CACNB2: variants seen among roughly 807,000 people sequenced by gnomAD.
CACNB2 encodes calcium voltage-gated channel auxiliary subunit beta 2, also known as voltage-dependent L-type calcium channel subunit beta-2.
Under a neutral mutation model 73.3 loss-of-function variants are expected in CACNB2, and 42 were observed. The observed-to-expected ratio is 0.57, with a 90% CI of 0.45 to 0.74. The LOEUF (loss-of-function observed/expected upper bound fraction) is 0.74. Ranked by LOEUF, CACNB2 falls within the 30% of genes least tolerant of loss-of-function variation. CACNB2 has a pLI of 0.00. For synonymous variants in CACNB2, 348 were observed against 310.3 expected (o/e 1.12, Z -1.28); for missense variants, 940 against 853.0 (o/e 1.10, Z -1.27).
chr10:18,292,772 CT>C (rs1213200262), intron 2 of CACNB2, among the ~76,000 whole-genome samples: 1 of 152,138 alleles, frequency 6.6e-6, no homozygotes, highest in Non-Finnish European at 1.5e-5. Context: ...AAAATAAGGG[CT>C]TTAGTTTCCT....
At chr10:18,243,026 A>G (rs2036724928) in intron 2 of CACNB2, among the ~76,000 whole-genome samples, 1 of 151,792 alleles carries the variant, frequency 6.6e-6, no homozygotes, top group Admixed American at 6.6e-5. Context: ...AAAACAAAAA[A>G]AAGAAAACAT....
intron 2 of CACNB2, among the ~76,000 whole-genome samples, chr10:18,154,652 G>A (rs957882254): frequency 6.6e-6 from 1 of 152,104 alleles, no homozygotes; most frequent in African/African-American, 2.4e-5. Flanking sequence ...ATTTTTAGTA[G>A]AGACAGGGTT....
At chr10:18,241,532 A>G (rs1372420169) in intron 2 of CACNB2, among the ~76,000 whole-genome samples, 2 of 152,152 alleles carry the variant, frequency 1.3e-5, no homozygotes, top group Non-Finnish European at 2.9e-5. Flanking sequence ...ATGTATACCT[A>G]TGTAAGAAAC....
At chr10:18,196,523 C>G (rs543538030) in intron 2 of CACNB2, among the ~76,000 whole-genome samples, 1 of 152,084 alleles carries the variant, frequency 6.6e-6, no homozygotes, top group South Asian at 2.1e-4. Flanking sequence ...TTGCCATGTT[C>G]CCCAGGCTAG....
chr10:18,508,535 G>A (rs955240085), intron 6 of CACNB2, among the ~76,000 whole-genome samples: 2 of 152,120 alleles, frequency 1.3e-5, no homozygotes, highest in East Asian at 1.9e-4. Flanking sequence ...GTCACCTTGC[G>A]ATAAAGCAGC....
chr10:18,228,442 A>AAAAAAAAG (rs1366417578), intron 2 of CACNB2, among the ~76,000 whole-genome samples: 1 of 135,526 alleles, frequency 7.4e-6, no homozygotes, highest in African/African-American at 2.9e-5. Context: ...TCAAAAAAAA[A>AAAAAAAAG]AAAAAAAGAA....
intron 2 of CACNB2, among the ~76,000 whole-genome samples, chr10:18,392,254 G>C (rs942488431): frequency 6.6e-6 from 1 of 152,142 alleles, no homozygotes; most frequent in Non-Finnish European, 1.5e-5. Context: ...AGGAGACTTA[G>C]AAGGAACAGC....
chr10:18,522,877 C>CAAAAAAAAAAAAAAAAAAA (rs10528720), intron 9 of CACNB2, among the ~76,000 whole-genome samples: 1 of 77,828 alleles, frequency 1.3e-5, no homozygotes, highest in Non-Finnish European at 2.4e-5. Flanking sequence ...GACTCTGTCT[C>CAAAAAAAAAAAAAAAAAAA]AAAAAAAAAA....
At chr10:18,322,595 C>G (rs1308605408) in intron 2 of CACNB2, among the ~76,000 whole-genome samples, 2 of 152,246 alleles carry the variant, frequency 1.3e-5, no homozygotes, top group Admixed American at 6.5e-5. Flanking sequence ...ATTTTATTTC[C>G]TTTTAGGAAA....
At chr10:18,198,116 A>G (rs2034709884) in intron 2 of CACNB2, among the ~76,000 whole-genome samples, 1 of 148,292 alleles carries the variant, frequency 6.7e-6, no homozygotes, top group East Asian at 1.9e-4. Context: ...TATTCATATG[A>G]CATATATGTA....
chr10:18,327,816 A>C lies in CACNB2; in HGVS notation c.214-74108A>C, dbSNP rs139403493. ...CAGTATCCGACTAACCTCTTCTTAC[A>C]GATGAGCAGGGTTTGGCACACTAGA... On this transcript the variant is annotated intron_variant, in intron 2 of 13. Coordinates refer to ENST00000324631, the MANE Select transcript of CACNB2 (RefSeq NM_201596.3). 3.5e-3 allele frequency among the ~76,000 whole-genome samples: 535 copies of C among 152,276 alleles called. 3 individuals carry two copies. The highest frequency in any genetic ancestry group is 5.4e-3 in the Admixed American group (82 of 15,298).
At chr10:18,300,869 C>T (rs561454836) in intron 2 of CACNB2, among the ~76,000 whole-genome samples, 7 of 151,362 alleles carry the variant, frequency 4.6e-5, no homozygotes, top group African/African-American at 1.5e-4. Context: ...AAATAAAAAG[C>T]GCAATCCAAA....
At chr10:18,287,792 C>A (rs932612965) in intron 2 of CACNB2, among the ~76,000 whole-genome samples, 1 of 151,934 alleles carries the variant, frequency 6.6e-6, no homozygotes, top group African/African-American at 2.4e-5. Context: ...TGAGGCTGCA[C>A]TGAGCTATGA....
chr10:18,168,955 A>G (rs925819785), intron 2 of CACNB2, among the ~76,000 whole-genome samples: 2 of 152,216 alleles, frequency 1.3e-5, no homozygotes, highest in Admixed American at 6.5e-5. Flanking sequence ...AATACAGTCT[A>G]ACAGCCAAGA....
chr10:18,326,068 G>A lies in CACNB2; in HGVS notation c.214-75856G>A, dbSNP rs530178546. ...ATTTTTTCTTCATGTTGATTCCTAC[G>A]GTGTTAGTCCTATGCTAACCTGACT... is the stretch of plus-strand genomic sequence containing the variant. On this transcript the variant is annotated intron_variant, in intron 2 of 13. Transcript: ENST00000324631. 5.9e-5 allele frequency among the ~76,000 whole-genome samples: 9 copies of A among 152,104 alleles called. No individual in the cohort carries two copies. The South Asian group carries it at 1.3e-3, about 21-fold the overall frequency.
At position 18,539,626 on chromosome 10, in the gene CACNB2, AAATCCAAG is replaced by A. The variant is rs1315701977; in HGVS notation, c.1886_1893del (p.Lys629ArgfsTer5). The A allele has an allele frequency of 6.2e-7, 1 of 1,613,820 alleles. No individual in the cohort carries two copies. The highest frequency in any genetic ancestry group is 8.5e-7 in the Non-Finnish European group (1 of 1,179,872). ...GTGCAACAAGCAGCGCAGCCGTCAT[AAATCCAAG>A]GATCGCTACTGTGAAAAGGATGGAG... On this transcript the variant is annotated frameshift_variant, in exon 14 of 14. Coordinates refer to ENST00000324631, the MANE Select transcript of CACNB2 (RefSeq NM_201596.3). LOFTEE classifies it high-confidence loss of function.
At chr10:18,288,682 C>T (rs2038910583) in intron 2 of CACNB2, among the ~76,000 whole-genome samples, 1 of 151,320 alleles carries the variant, frequency 6.6e-6, no homozygotes, top group Non-Finnish European at 1.5e-5. Flanking sequence ...TTTATACACA[C>T]ACACACACAC....
intron 3 of CACNB2, among the ~76,000 whole-genome samples, chr10:18,471,189 C>G (rs1361167033): frequency 2.0e-5 from 3 of 152,124 alleles, no homozygotes; most frequent in African/African-American, 7.2e-5. Context: ...GCCTGTAATC[C>G]CAGCTACTCG....
chr10:18,393,298 T>C (rs1313939674), intron 2 of CACNB2, among the ~76,000 whole-genome samples: 1 of 152,196 alleles, frequency 6.6e-6, no homozygotes. Context: ...AATGTTCTAA[T>C]TTTTTTAAAT....
Sources: allele counts gnomAD v4.1 joint callset (sites outside exome capture counted in the v4.1 genomes callset), GRCh38; gene constraint gnomAD v4.1.1; transcripts MANE v1.5; gene names NCBI Gene and HGNC (gene_info 2026-07-23, HGNC 2026-07-21).